Variants in RANBP17 observed in about 807,000 individuals in gnomAD.
The protein encoded by RANBP17 is ran-binding protein 17.
Under a neutral mutation model 141.2 loss-of-function variants are expected in RANBP17, and 158 were observed. That is an observed-to-expected ratio of 1.12 (90% CI 0.98 to 1.28). The LOEUF (loss-of-function observed/expected upper bound fraction) is 1.28. Ranked by LOEUF, RANBP17 falls within the 50% of genes most tolerant of loss-of-function variation. The pLI is 0.00. For synonymous variants in RANBP17, 430 were observed against 450.0 expected, an observed-to-expected ratio of 0.96 and a Z score of 0.56; for missense variants, 1,438 against 1,290.7, an observed-to-expected ratio of 1.11 and a Z score of -1.75.
At chr5:171,056,022 TTTG>T (rs1312876631) in intron 14 of RANBP17, among the ~76,000 whole-genome samples, 15 of 152,144 alleles carry the variant, frequency 9.9e-5, no homozygotes, top group Admixed American at 7.2e-4. Flanking sequence ...TGTTCCAAAT[TTTG>T]TTTACAGGAA....
intron 4 of RANBP17, among the ~76,000 whole-genome samples, chr5:170,893,805 AAG>A (rs1769866907): frequency 6.6e-6 from 1 of 152,086 alleles, no homozygotes; most frequent in African/African-American, 2.4e-5. Flanking sequence ...AAAAAAAAAA[AAG>A]AAAAATCCAT....
chr5:171,294,072 G>A, intron 26 of RANBP17, 91 bp downstream of exon 26: 1 of 935,590 alleles, frequency 1.1e-6, no homozygotes, highest in Non-Finnish European at 1.8e-6. Context: ...GAAGGACAGA[G>A]GAGCAGAGCC....
At chr5:171,251,766 C>T (rs1413856340) in intron 24 of RANBP17, 79 of 972,256 alleles carry the variant, frequency 8.1e-5, no homozygotes, top group Middle Eastern at 3.2e-4. Context: ...CCTCCTCCCG[C>T]GCCCGCCCCC....
At chr5:171,108,456 A>C (rs1395822184) in intron 14 of RANBP17, among the ~76,000 whole-genome samples, 1 of 152,204 alleles carries the variant, frequency 6.6e-6, no homozygotes, top group African/African-American at 2.4e-5. Flanking sequence ...TCTGTCACCC[A>C]GGCTGGAGTG....
At chr5:171,123,580 G>C (rs756084757) in intron 14 of RANBP17, among the ~76,000 whole-genome samples, 1 of 152,208 alleles carries the variant, frequency 6.6e-6, no homozygotes, top group Non-Finnish European at 1.5e-5. Flanking sequence ...CCAAGGACTG[G>C]CCTGTCAGTA....
chr5:170,932,116 C>T (rs1448193710), intron 12 of RANBP17, among the ~76,000 whole-genome samples: 1 of 152,106 alleles, frequency 6.6e-6, no homozygotes, highest in Non-Finnish European at 1.5e-5. Flanking sequence ...TTGAAGAGGT[C>T]CTTCACTTCC....
chr5:170,972,304 C>T (rs1239438375), intron 14 of RANBP17, among the ~76,000 whole-genome samples: 2 of 151,514 alleles, frequency 1.3e-5, no homozygotes, highest in Admixed American at 1.3e-4. Context: ...GCCTCAGCCT[C>T]CCAAGTAGCT....
intron 14 of RANBP17, among the ~76,000 whole-genome samples, chr5:170,986,434 C>T (rs1233613625): frequency 6.6e-6 from 1 of 151,776 alleles, no homozygotes; most frequent in East Asian, 1.9e-4. Flanking sequence ...TTTAAAATCA[C>T]TAAACAAGTA....
intron 14 of RANBP17, among the ~76,000 whole-genome samples, chr5:171,089,949 G>A (rs538033309): frequency 3.3e-5 from 5 of 152,308 alleles, no homozygotes; most frequent in Admixed American, 2.0e-4. Flanking sequence ...GCTGTAGACC[G>A]GAGCTGTTCC....
chr5:171,283,780 C>T (rs1767996576), intron 25 of RANBP17, among the ~76,000 whole-genome samples: 1 of 152,170 alleles, frequency 6.6e-6, no homozygotes, highest in Admixed American at 6.5e-5. Context: ...CAGTAATAAA[C>T]TCTAACTGAG....
At chr5:171,268,874 G>T (rs755900681) in intron 25 of RANBP17, among the ~76,000 whole-genome samples, 1 of 152,154 alleles carries the variant, frequency 6.6e-6, no homozygotes, top group Non-Finnish European at 1.5e-5. Flanking sequence ...ATCATGTTTT[G>T]CAAAGGAAGT....
chr5:171,099,517 TTTTCTAAA>T (rs1193860649), intron 14 of RANBP17, among the ~76,000 whole-genome samples: 1 of 152,040 alleles, frequency 6.6e-6, no homozygotes, highest in African/African-American at 2.4e-5. Context: ...GATGTTGGGG[TTTTCTAAA>T]TATACAATCA....
At chr5:170,903,618 C>A in intron 5 of RANBP17, 1 of 252,952 alleles carries the variant, frequency 4.0e-6, no homozygotes. Context: ...AGGAGGATGT[C>A]ATAACTTGAC....
intron 14 of RANBP17, among the ~76,000 whole-genome samples, chr5:171,156,291 CTA>C (rs1454173274): frequency 2.6e-5 from 4 of 152,098 alleles, no homozygotes; most frequent in East Asian, 1.9e-4. Flanking sequence ...TTTTAAAAGA[CTA>C]TGTGATACTA....
chr5:171,125,679 C>T (rs1284967270), intron 14 of RANBP17, among the ~76,000 whole-genome samples: 1 of 152,160 alleles, frequency 6.6e-6, no homozygotes, highest in Non-Finnish European at 1.5e-5. Flanking sequence ...ACCTAACAGA[C>T]ATTTACAGAA....
chr5:171,199,614 A>T, intron 18 of RANBP17, 56 bp from the exon 19 acceptor site: 1 of 1,087,634 alleles, frequency 9.2e-7, no homozygotes, highest in Non-Finnish European at 1.4e-6. Context: ...AATGCTGAGG[A>T]CAATGTACAA....
chr5:170,958,346 T>C (rs1212710961), intron 13 of RANBP17, among the ~76,000 whole-genome samples: 2 of 152,224 alleles, frequency 1.3e-5, no homozygotes, highest in East Asian at 1.9e-4. Flanking sequence ...TCTGGGAAGA[T>C]ACATAACTCC....
chr5:171,252,504 T>C (rs1322895645), intron 24 of RANBP17: 6 of 1,443,124 alleles, frequency 4.2e-6, no homozygotes, highest in Non-Finnish European at 5.8e-6. Flanking sequence ...AGTACAAGTA[T>C]TACTGTGAAG....
intron 13 of RANBP17, among the ~76,000 whole-genome samples, chr5:170,959,911 T>C (rs913756981): frequency 6.6e-6 from 1 of 152,132 alleles, no homozygotes; most frequent in African/African-American, 2.4e-5. Flanking sequence ...GCAAGAAAAT[T>C]TGCATATAAG....
Sources: allele counts gnomAD v4.1 joint callset (sites outside exome capture counted in the v4.1 genomes callset), GRCh38; gene constraint gnomAD v4.1.1; transcripts MANE v1.5; gene names NCBI Gene and HGNC (gene_info 2026-07-23, HGNC 2026-07-21).